LRRC49: variants seen among roughly 807,000 people sequenced by gnomAD.
LRRC49 encodes the protein leucine-rich repeat-containing protein 49.
LRRC49 carries 50 observed loss-of-function variants against 83.3 expected under a neutral mutation model. The ratio of observed to expected loss-of-function variants is 0.60; its 90% CI spans 0.48 to 0.76. The LOEUF (loss-of-function observed/expected upper bound fraction) is 0.76. LRRC49 is among the 30% of genes least tolerant of loss of function. LRRC49 has a pLI of 0.00. For synonymous variants in LRRC49, 286 were observed against 283.3 expected (o/e 1.01, Z -0.10); for missense variants, 704 against 809.1 (o/e 0.87, Z 1.58).
chr15:70,885,273 G>A (rs2033375770), intron 2 of LRRC49, among the ~76,000 whole-genome samples: 1 of 152,114 alleles, frequency 6.6e-6, no homozygotes. Context: ...TAGGGGATAA[G>A]ATTTAAAAGT....
Position 70,952,439 on chromosome 15 carries a change from A to G in LRRC49, c.774-11346A>G, listed in dbSNP as rs1319303714. Among the ~76,000 whole-genome samples the G allele has an allele frequency of 2.0e-5, 3 of 150,850 alleles. No homozygotes were observed. The East Asian group carries it at 5.8e-4, about 29-fold the overall frequency. ...TTTTTATTATTGATTTAATTTCTGA[A>G]CTCATTATTGGACTGTTCAATATTG... is the stretch of plus-strand genomic sequence containing the variant. On this transcript the variant is annotated intron_variant, in intron 8 of 15. Coordinates refer to ENST00000260382, the MANE Select transcript of LRRC49 (RefSeq NM_017691.5).
intron 8 of LRRC49, among the ~76,000 whole-genome samples, chr15:70,952,680 T>G (rs891647348): frequency 3.9e-5 from 6 of 152,162 alleles, no homozygotes; most frequent in African/African-American, 1.4e-4. Flanking sequence ...GTCCGGAATA[T>G]CTTTGCTGGT....
At chr15:71,023,205 A>T (rs1043733438) in intron 14 of LRRC49, among the ~76,000 whole-genome samples, 6 of 152,236 alleles carry the variant, frequency 3.9e-5, no homozygotes, top group Admixed American at 3.9e-4. Flanking sequence ...ATAAAAGCTG[A>T]AAGTGAATGC....
intron 4 of LRRC49, among the ~76,000 whole-genome samples, chr15:70,901,770 T>A (rs2034090481): frequency 1.3e-5 from 2 of 152,342 alleles, no homozygotes; most frequent in South Asian, 4.2e-4. Flanking sequence ...CAGTTCTGTA[T>A]TATTGGTATT....
intron 5 of LRRC49, among the ~76,000 whole-genome samples, chr15:70,906,221 C>T (rs1357540846): frequency 2.0e-5 from 3 of 151,654 alleles, no homozygotes; most frequent in Non-Finnish European, 2.9e-5. Context: ...CTCAGCCTCC[C>T]GAGTAGCTGG....
intron 8 of LRRC49, among the ~76,000 whole-genome samples, chr15:70,958,785 GTTTACC>G (rs1420844389): frequency 6.6e-6 from 1 of 152,118 alleles, no homozygotes. Flanking sequence ...AAATTGTGAG[GTTTACC>G]TTTTAGATTG....
In LRRC49 at chr15:71,007,709, G is replaced by GTATATATATA. The variant is rs55946096; in HGVS notation, c.1170-647_1170-638dup. Among the ~76,000 whole-genome samples the GTATATATATA allele has an allele frequency of 6.2e-4, 85 of 137,684 alleles. 3 individuals carry two copies. The highest frequency in any genetic ancestry group is 5.2e-3 in the East Asian group (25 of 4,766). The allele number at this position is 137,684 out of a possible 152,430, so 90.3% of individuals were successfully genotyped here. A position where few individuals can be genotyped will look rare whatever the true frequency, so the allele number is the denominator to read the frequency against. On this transcript the variant is annotated intron_variant, in intron 11 of 15. Coordinates refer to ENST00000260382, the MANE Select transcript of LRRC49 (RefSeq NM_017691.5). ...AAATTCAGTGCAGTATGAGAAGCAT[G>GTATATATATA]TATATATATATATATATATATATAT... is the stretch of plus-strand genomic sequence containing the variant.
chr15:70,891,750 T>G (rs1002438889), upstream of LRRC49: 2 of 1,182,310 alleles, frequency 1.7e-6, no homozygotes, highest in African/African-American at 3.1e-5. Flanking sequence ...ACAGGAACTT[T>G]CGAGATGAGG....
chr15:70,964,858 G>A (rs1353347567), intron 9 of LRRC49, among the ~76,000 whole-genome samples: 1 of 152,142 alleles, frequency 6.6e-6, no homozygotes. Context: ...GGTTTATGCA[G>A]TTGCCAACTG....
At chr15:70,880,533 T>TA (rs1475372889) in intron 2 of LRRC49, among the ~76,000 whole-genome samples, 1 of 152,166 alleles carries the variant, frequency 6.6e-6, no homozygotes, top group Non-Finnish European at 1.5e-5. Flanking sequence ...CTAAATAAAT[T>TA]AAAAATATTT....
chr15:70,904,993 G>T (rs1271934391), intron 5 of LRRC49, among the ~76,000 whole-genome samples: 2 of 152,082 alleles, frequency 1.3e-5, no homozygotes, highest in East Asian at 3.8e-4. Flanking sequence ...TTCCAGTGTT[G>T]TATCTTATAG....
At chr15:70,897,936 T>C (rs1403464399) in intron 3 of LRRC49, among the ~76,000 whole-genome samples, 2 of 152,202 alleles carry the variant, frequency 1.3e-5, no homozygotes, top group East Asian at 3.8e-4. Flanking sequence ...AAAATGTGTG[T>C]GTAGAAGGGA....
At chr15:70,951,963 T>G (rs1015510517) in intron 8 of LRRC49, among the ~76,000 whole-genome samples, 2 of 152,174 alleles carry the variant, frequency 1.3e-5, no homozygotes, top group African/African-American at 2.4e-5. Context: ...GTTGATGGTT[T>G]TTAACATGAA....
intron 2 of LRRC49, chr15:70,881,375 C>A (rs2033260408): frequency 6.6e-6 from 1 of 152,250 alleles, no homozygotes; most frequent in South Asian, 2.1e-4. Context: ...TTCCTTAAAG[C>A]AGACATAAAA....
intron 14 of LRRC49, among the ~76,000 whole-genome samples, chr15:71,023,584 G>A (rs1314455745): frequency 6.6e-6 from 1 of 152,150 alleles, no homozygotes; most frequent in East Asian, 1.9e-4. Context: ...GTGGTGCGAT[G>A]GCCCACCTGA....
chr15:70,958,756 A>G (rs1484470526), intron 8 of LRRC49, among the ~76,000 whole-genome samples: 2 of 152,220 alleles, frequency 1.3e-5, no homozygotes, highest in African/African-American at 4.8e-5. Context: ...ACATGTCTCA[A>G]ACACTATGAG....
chr15:71,036,326 A>G (rs2039517805), intron 14 of LRRC49, among the ~76,000 whole-genome samples: 1 of 151,962 alleles, frequency 6.6e-6, no homozygotes, highest in Admixed American at 6.6e-5. Flanking sequence ...ATTTATGAAA[A>G]CTTATGGGTG....
intron 14 of LRRC49, among the ~76,000 whole-genome samples, chr15:71,023,736 A>G (rs2039068156): frequency 6.6e-6 from 1 of 152,176 alleles, no homozygotes. Flanking sequence ...AGCCCATGCC[A>G]CCAGGGCCTT....
chr15:71,043,391 A>G (rs2039756204), intron 15 of LRRC49, among the ~76,000 whole-genome samples: 1 of 152,246 alleles, frequency 6.6e-6, no homozygotes, highest in African/African-American at 2.4e-5. Context: ...TCAGAATTGA[A>G]CTTGTAAAAT....
Sources: gnomAD v4.1 joint callset for allele counts (sites outside exome capture counted in the v4.1 genomes callset) on GRCh38, gnomAD v4.1.1 for gene constraint, MANE v1.5 for transcripts, NCBI Gene and HGNC (gene_info 2026-07-23, HGNC 2026-07-21) for gene names.